The following SHANK1 variants were observed in gnomAD, a reference collection of about 807,000 sequenced individuals.
SHANK1 encodes the protein SH3 and multiple ankyrin repeat domains 1, also known as SH3 and multiple ankyrin repeat domains protein 1.
In SHANK1, 35 loss-of-function variants were observed where a neutral mutation model predicts 165.6. The observed-to-expected ratio is 0.21, with a 90% CI of 0.16 to 0.28. SHANK1 has a LOEUF of 0.28. SHANK1 is among the 10% of genes least tolerant of loss of function. SHANK1 has a pLI of 1.00. For missense variants in SHANK1, 2,681 were observed against 3,036.4 expected (o/e 0.88, Z 2.75); for synonymous variants, 1,428 against 1,384.8 (o/e 1.03, Z -0.69).
rs1280740451 is a variant in SHANK1, at chr19:50,712,079, C to T, written c.828G>A (p.Lys276=). ...LLDLGGSPNY[K]DRRGLTPLFH... ...ACAGAGGGGTCAGCCCCCGACGGTC[C>T]TTGTAGTTGGGGGAACCCCCAAGGT... is the stretch of plus-strand genomic sequence containing the variant. Residue 276 remains lysine, a synonymous_variant, in exon 7 of 24, where the codon AAG becomes AAA. Transcript: ENST00000293441. The T allele has an allele frequency of 1.2e-6, 2 of 1,607,378 alleles. No individual in the cohort carries two copies. The highest frequency in any genetic ancestry group is 2.2e-5 in the East Asian group (1 of 44,808).
chr19:50,665,450 G>A (rs183174561), intron 23 of SHANK1, among the ~76,000 whole-genome samples: 380 of 150,584 alleles, frequency 2.5e-3, no homozygotes, highest in African/African-American at 8.8e-3. Context: ...ACCTGTAATC[G>A]CAGCTACTCA....
rs750673046 is a variant in SHANK1 at position 50,687,996 on chromosome 19, C to A, written c.2235G>T (p.Gly745=). Residue 745 remains glycine, a synonymous_variant, in exon 18 of 24, where the codon GGG becomes GGT. Coordinates refer to ENST00000293441, the MANE Select transcript of SHANK1 (RefSeq NM_016148.5). ...CCACCTTCACCATCAGCGTGTTGCC[C>A]CCTTGGCGGATCATGTTCACCACCT... ...HRQVVNMIRQ[G]GNTLMVKVVM... 8.1e-6 allele frequency: 13 copies of A among 1,614,024 alleles called. No homozygotes were observed. The East Asian group carries it at 2.9e-4, about 36-fold the overall frequency.
Position 50,713,690 on chromosome 19 carries a change from T to C in SHANK1, c.792+108A>G. 1 of 1,402,896 alleles carries C rather than the reference T, an allele frequency of 7.1e-7. No homozygotes were observed. The highest frequency in any genetic ancestry group is 9.8e-7 in the Non-Finnish European group (1 of 1,019,380). 86.9% of individuals were successfully genotyped at this position (1,402,896 alleles called of 1,614,324 possible). A position where few individuals can be genotyped will look rare whatever the true frequency, so the allele number is the denominator to read the frequency against. On this transcript the variant is annotated intron_variant, in intron 6 of 23. Coordinates refer to ENST00000293441, the MANE Select transcript of SHANK1 (RefSeq NM_016148.5). This position sits in a 1 kb window ranked among gnomAD's most constrained non-coding sequence, Gnocchi z 6.2. ...GGAAAGGGGCTTTGAACTGGGGACATGAGAGGGCCTATTTTTAACTGAAAC... is the reference window on the plus strand; with the variant it reads ...GGAAAGGGGCTTTGAACTGGGGACACGAGAGGGCCTATTTTTAACTGAAAC...
Position 50,702,730 on chromosome 19 carries a change from C to A in SHANK1, c.1554-70G>T. On this transcript the variant is annotated intron_variant, in intron 11 of 23. Coordinates refer to ENST00000293441, the MANE Select transcript of SHANK1 (RefSeq NM_016148.5). The surrounding 1 kb of genome is among the most constrained non-coding windows in gnomAD (Gnocchi z 5.3). ...GGACACCTCTGGGAGGACAGGGGTC[C>A]TTGGGTGGGGGAAGAGGACGGTGCA... The A allele has an allele frequency of 1.2e-6, 1 of 861,324 alleles. No individual in the cohort carries two copies. Among genetic ancestry groups the A allele is most frequent in the South Asian group, 1.7e-5 (1 of 57,724 alleles). The allele number at this position is 861,324 out of a possible 1,614,324, so 53.4% of individuals were successfully genotyped here. A position where few individuals can be genotyped will look rare whatever the true frequency, so the allele number is the denominator to read the frequency against.
chr19:50,672,132 GA>G lies in SHANK1; in HGVS notation c.2578-19del. On this transcript the variant is annotated intron_variant, in intron 21 of 23. Transcript: ENST00000293441. ...AAGCTCGACTTTGGAGCGGCAGTCAGAGGGGGAGAGAGAGAAAAGATAGAGA... is the reference window on the plus strand; with the variant it reads ...AAGCTCGACTTTGGAGCGGCAGTCAGGGGGGAGAGAGAGAAAAGATAGAGA... 1 of 1,588,112 alleles carries G rather than the reference GA, an allele frequency of 6.3e-7. No homozygotes were observed. The highest frequency in any genetic ancestry group is 1.3e-5 in the African/African-American group (1 of 74,550).
intron 21 of SHANK1, among the ~76,000 whole-genome samples, chr19:50,683,847 C>T (rs996055252): frequency 5.3e-5 from 8 of 152,148 alleles, no homozygotes; most frequent in Non-Finnish European, 8.8e-5. Flanking sequence ...TAGGCAAATT[C>T]GCAGACACAG....
At chr19:50,675,501 T>C (rs1412071596) in intron 21 of SHANK1, among the ~76,000 whole-genome samples, 1 of 152,176 alleles carries the variant, frequency 6.6e-6, no homozygotes, top group South Asian at 2.1e-4. Context: ...TGTTTCTATG[T>C]TTGTCTCATT....
intron 8 of SHANK1, among the ~76,000 whole-genome samples, chr19:50,704,946 T>G (rs2088920224): frequency 6.6e-6 from 1 of 151,326 alleles, no homozygotes; most frequent in African/African-American, 2.4e-5. Flanking sequence ...TCCCGAATAC[T>G]TGGGAGGCTG....
At chr19:50,687,045 C>A in intron 19 of SHANK1, 2 of 1,475,238 alleles carry the variant, frequency 1.4e-6, no homozygotes, top group South Asian at 1.4e-5. Context: ...GGGAGACTAG[C>A]CCGGGGGAGA....
rs1032353248 is a variant in SHANK1, at chr19:50,659,320, G to A, written c.*2645C>T. The A allele has an allele frequency of 1.3e-5, 6 of 477,250 alleles. No individual in the cohort carries two copies. Among genetic ancestry groups the A allele is most frequent in the Non-Finnish European group, 2.0e-5 (6 of 300,608 alleles). The allele number at this position is 477,250 out of a possible 1,614,324, so 29.6% of individuals were successfully genotyped here. On this transcript the variant is annotated 3_prime_UTR_variant, in exon 24 of 24. Transcript: ENST00000293441. ...CCTGGTACAAAAGCCATTTCTCTCT[G>A]CAAAATCTTGGTGGGGAGTCAGGGG...
intron 21 of SHANK1, among the ~76,000 whole-genome samples, chr19:50,673,005 G>T (rs142936419): frequency 6.6e-6 from 1 of 152,186 alleles, no homozygotes; most frequent in Non-Finnish European, 1.5e-5. Flanking sequence ...TGCTGGGAGG[G>T]TCACCTGCCT....
intron 15 of SHANK1, among the ~76,000 whole-genome samples, chr19:50,696,876 C>A (rs1263416721): frequency 6.6e-6 from 1 of 152,116 alleles, no homozygotes; most frequent in Non-Finnish European, 1.5e-5. Context: ...CACAAAGGCA[C>A]CAGTATATAC....
At position 50,717,044 on chromosome 19, in the gene SHANK1, C is replaced by T; in HGVS notation, c.-43-82G>A. On this transcript the variant is annotated intron_variant, in intron 1 of 23. Transcript: ENST00000293441. This position sits in a 1 kb window ranked among gnomAD's most constrained non-coding sequence, Gnocchi z 5.5. ...AGGCGCTATTCGGTGGTCAAGCGGTCAAGGGCAGCCTACCCCCACTGCCCA... is the reference window on the plus strand; with the variant it reads ...AGGCGCTATTCGGTGGTCAAGCGGTTAAGGGCAGCCTACCCCCACTGCCCA... 2.5e-6 allele frequency: 3 copies of T among 1,187,988 alleles called. No homozygotes were observed. Among genetic ancestry groups the T allele is most frequent in the South Asian group, 2.3e-5 (1 of 43,808 alleles). 73.6% of individuals were successfully genotyped at this position (1,187,988 alleles called of 1,614,324 possible). A position where few individuals can be genotyped will look rare whatever the true frequency, so the allele number is the denominator to read the frequency against.
intron 21 of SHANK1, among the ~76,000 whole-genome samples, chr19:50,681,029 T>C (rs1356904747): frequency 6.7e-6 from 1 of 150,214 alleles, no homozygotes; most frequent in Non-Finnish European, 1.5e-5. Flanking sequence ...CCTCGGGGGG[T>C]ACTGCACCCC....
In SHANK1 at chr19:50,683,303, C is replaced by T. The variant is rs1367863059; in HGVS notation, c.2577+2934G>A. Among the ~76,000 whole-genome samples, 9 of 152,294 alleles carry T rather than the reference C, an allele frequency of 5.9e-5. No homozygotes were observed. In the South Asian group the frequency reaches 1.0e-3, roughly 18 times the overall value. ...GACAGGCTTCCACAACAAAGAATTA[C>T]GCAGCTCCAAATACAGGCAATTGTG... On this transcript the variant is annotated intron_variant, in intron 21 of 23. Transcript: ENST00000293441.
At position 50,686,167 on chromosome 19, in the gene SHANK1, G is replaced by A. The variant is rs939504059; in HGVS notation, c.2577+70C>T. On this transcript the variant is annotated intron_variant, in intron 21 of 23. Coordinates refer to ENST00000293441, the MANE Select transcript of SHANK1 (RefSeq NM_016148.5). The surrounding 1 kb of genome is among the most constrained non-coding windows in gnomAD (Gnocchi z 5.7). Reference sequence around the variant, plus strand: ...AGAGGCGTCAGGAGGGTTTTGGAAAGAGAAAGGCTCCAGGTTGGTGTGTGA... The same window carrying A: ...AGAGGCGTCAGGAGGGTTTTGGAAAAAGAAAGGCTCCAGGTTGGTGTGTGA... The A allele has an allele frequency of 3.4e-6, 3 of 895,402 alleles. No homozygotes were observed. The highest frequency in any genetic ancestry group is 3.4e-6 in the Non-Finnish European group (2 of 579,754). The allele number at this position is 895,402 out of a possible 1,614,324, so 55.5% of individuals were successfully genotyped here. A position where few individuals can be genotyped will look rare whatever the true frequency, so the allele number is the denominator to read the frequency against.
In SHANK1 at chr19:50,686,907, T is replaced by TGGGCGTG; in HGVS notation, c.2390-102_2390-96dup. 7.2e-7 allele frequency: 1 copy of TGGGCGTG among 1,392,300 alleles called. No individual in the cohort carries two copies. The highest frequency in any genetic ancestry group is 9.6e-7 in the Non-Finnish European group (1 of 1,041,418). The allele number at this position is 1,392,300 out of a possible 1,614,324, so 86.2% of individuals were successfully genotyped here. ...GGCGTGGCCAGCAGGTGCGGGCCAG[T>TGGGCGTG]GGGCGTGGCGGGCGCGAGAGGGGCA... On this transcript the variant is annotated intron_variant, in intron 19 of 23. Transcript: ENST00000293441. This position sits in a 1 kb window ranked among gnomAD's most constrained non-coding sequence, Gnocchi z 5.7.
intron 23 of SHANK1, among the ~76,000 whole-genome samples, chr19:50,663,752 AAAAAG>A (rs953047954): frequency 7.8e-6 from 1 of 127,766 alleles, no homozygotes; most frequent in Non-Finnish European, 1.8e-5. Context: ...GGAAAAAAAA[AAAAAG>A]AAAAGAAAAA....
At chr19:50,693,459 C>T (rs1017570008) in intron 15 of SHANK1, among the ~76,000 whole-genome samples, 2 of 151,742 alleles carry the variant, frequency 1.3e-5, no homozygotes, top group Non-Finnish European at 2.9e-5. Context: ...GGAGCCCACA[C>T]AATGCTTTTC....
Sources: gnomAD v4.1 joint callset for allele counts (sites outside exome capture counted in the v4.1 genomes callset) on GRCh38, gnomAD v4.1.1 for gene constraint, Gnocchi (gnomAD v3.1) non-coding constraint, MANE v1.5 for transcripts, NCBI Gene and HGNC (gene_info 2026-07-23, HGNC 2026-07-21) for gene names.